Variants in ETV6 observed in about 807,000 individuals in gnomAD.
ETV6 encodes transcription factor ETV6.
Under a neutral mutation model 51.1 loss-of-function variants are expected in ETV6, and 16 were observed. That is an observed-to-expected ratio of 0.31 (90% CI 0.21 to 0.48). The LOEUF (loss-of-function observed/expected upper bound fraction) is 0.48. Among genes scored for constraint, ETV6 ranks in the 20% least tolerant of loss-of-function variants. The pLI is 0.99. For missense variants in ETV6, 458 were observed against 594.8 expected (o/e 0.77, Z 2.39); for synonymous variants, 240 against 224.1 (o/e 1.07, Z -0.64).
chr12:11,803,189 T>C (rs1945776566), intron 2 of ETV6, among the ~76,000 whole-genome samples: 1 of 152,204 alleles, frequency 6.6e-6, no homozygotes, highest in Admixed American at 6.5e-5. Context: ...AAATAATCAT[T>C]TCAGCATCAG....
chr12:11,737,793 G>A (rs1479567769), intron 1 of ETV6, among the ~76,000 whole-genome samples: 1 of 152,176 alleles, frequency 6.6e-6, no homozygotes, highest in African/African-American at 2.4e-5. Flanking sequence ...TTTTCTCAGG[G>A]CCTCATCAGT....
In ETV6 at chr12:11,831,603, A is replaced by G. The variant is rs190755053; in HGVS notation, c.164-7537A>G. ...ATAAGAAAGAAAAAAGGAAAAGGAG[A>G]CAGGGAATATCACCTACAATTTTAC... On this transcript the variant is annotated intron_variant, in intron 2 of 7. Coordinates refer to ENST00000396373, the MANE Select transcript of ETV6 (RefSeq NM_001987.5). Among the ~76,000 whole-genome samples the G allele has an allele frequency of 2.0e-5, 3 of 152,364 alleles. No individual in the cohort carries two copies. The East Asian group carries it at 5.8e-4, about 29-fold the overall frequency.
intron 3 of ETV6, among the ~76,000 whole-genome samples, chr12:11,843,191 T>C (rs969716837): frequency 2.6e-5 from 4 of 151,880 alleles, no homozygotes; most frequent in African/African-American, 9.7e-5. Flanking sequence ...TGCGAATGGG[T>C]TTATAAGACA....
At chr12:11,890,441 T>TC (rs1565570658) in intron 7 of ETV6, among the ~76,000 whole-genome samples, 5 of 149,684 alleles carry the variant, frequency 3.3e-5, no homozygotes, top group African/African-American at 1.2e-4. Flanking sequence ...TTTTTTTTTT[T>TC]CCAATAATTA....
chr12:11,747,580 T>A (rs60638501), intron 1 of ETV6, among the ~76,000 whole-genome samples: 6,060 of 152,294 alleles, frequency 0.04, 401 homozygotes, highest in African/African-American at 0.14. Flanking sequence ...GTACAATGTC[T>A]ATTTAGAAAA....
intron 2 of ETV6, among the ~76,000 whole-genome samples, chr12:11,794,013 G>A (rs1945641455): frequency 2.0e-5 from 3 of 152,102 alleles, no homozygotes; most frequent in Non-Finnish European, 2.9e-5. Context: ...TTGTACTCCT[G>A]CTGTTTGTAA....
In ETV6 at chr12:11,882,373, C is replaced by G. The variant is rs555114593; in HGVS notation, c.1010-2072C>G. ...CACCCATTAACGAGTTTCTCTGAGA[C>G]TAGAAATTGCATTGGGAAGTGTGTC... On this transcript the variant is annotated intron_variant, in intron 5 of 7. Coordinates refer to ENST00000396373, the MANE Select transcript of ETV6 (RefSeq NM_001987.5). Among the ~76,000 whole-genome samples the G allele has an allele frequency of 7.2e-5, 11 of 152,274 alleles. No individual in the cohort carries two copies. The South Asian group carries it at 2.1e-3, about 29-fold the overall frequency.
At position 11,869,492 on chromosome 12, in the gene ETV6, C is replaced by G. The variant is rs2136539728; in HGVS notation, c.532C>G (p.Leu178Val). Reference sequence around the variant, plus strand: ...GCACCATAACCCTCCCACCATTGAACTGTTGCACCGCTCCAGGTCACCTAT... The same window carrying G: ...GCACCATAACCCTCCCACCATTGAAGTGTTGCACCGCTCCAGGTCACCTAT... ...NVHHNPPTIE[L>V]LHRSRSPITT... Residue 178 changes from leucine to valine, a missense_variant, in exon 5 of 8, where the codon CTG becomes GTG. Leu to Val is a conservative substitution (Grantham distance 32). Transcript: ENST00000396373. This position sits in a 1 kb window ranked among gnomAD's most constrained non-coding sequence, Gnocchi z 5.0. 6.2e-7 allele frequency: 1 copy of G among 1,614,146 alleles called. No homozygotes were observed. Among genetic ancestry groups the G allele is most frequent in the Non-Finnish European group, 8.5e-7 (1 of 1,180,018 alleles).
At chr12:11,827,362 GA>G (rs1946173501) in intron 2 of ETV6, among the ~76,000 whole-genome samples, 1 of 152,096 alleles carries the variant, frequency 6.6e-6, no homozygotes, top group Admixed American at 6.5e-5. Context: ...AAGAGCCAGG[GA>G]AGAGGACAAG....
At chr12:11,888,527 A>G (rs1380507956) in intron 7 of ETV6, among the ~76,000 whole-genome samples, 1 of 151,496 alleles carries the variant, frequency 6.6e-6, no homozygotes, top group Non-Finnish European at 1.5e-5. Flanking sequence ...GCCGTAGCTA[A>G]TAGTAGCTGG....
At chr12:11,820,370 G>A (rs1316827738) in intron 2 of ETV6, among the ~76,000 whole-genome samples, 2 of 152,162 alleles carry the variant, frequency 1.3e-5, no homozygotes, top group Non-Finnish European at 2.9e-5. Flanking sequence ...CCAAACAAAG[G>A]TCCGTTCACA....
chr12:11,878,642 T>C (rs552508157), intron 5 of ETV6, among the ~76,000 whole-genome samples: 5 of 152,108 alleles, frequency 3.3e-5, no homozygotes, highest in Admixed American at 3.3e-4. Context: ...ATTATTTGCC[T>C]CCACTTCTCC....
intron 2 of ETV6, among the ~76,000 whole-genome samples, chr12:11,809,977 G>A (rs532639311): frequency 3.8e-4 from 58 of 151,932 alleles, no homozygotes; most frequent in Admixed American, 5.2e-4. Context: ...GCACCACAAC[G>A]CCCAGCTAAT....
intron 1 of ETV6, among the ~76,000 whole-genome samples, chr12:11,700,138 A>AATCG (rs1178406983): frequency 1.3e-5 from 2 of 152,194 alleles, no homozygotes; most frequent in East Asian, 3.8e-4. Context: ...GTATTGACTG[A>AATCG]ATCGAGTGAA....
intron 7 of ETV6, among the ~76,000 whole-genome samples, chr12:11,886,631 G>C (rs1402731643): frequency 1.3e-5 from 2 of 152,180 alleles, no homozygotes; most frequent in East Asian, 1.9e-4. Context: ...ATCGTAGTCA[G>C]AATAAGTCTA....
chr12:11,809,615 G>C (rs1484316037), intron 2 of ETV6, among the ~76,000 whole-genome samples: 4 of 152,088 alleles, frequency 2.6e-5, no homozygotes, highest in African/African-American at 9.7e-5. Context: ...ATACATACTT[G>C]ATTCAGTAAA....
chr12:11,654,829 G>A (rs1318702030), intron 1 of ETV6, among the ~76,000 whole-genome samples: 2 of 152,164 alleles, frequency 1.3e-5, no homozygotes, highest in Non-Finnish European at 2.9e-5. Flanking sequence ...GTGGGCCGTA[G>A]GCTCTTTTAT....
At position 11,791,741 on chromosome 12, in the gene ETV6, T is replaced by C. The variant is rs1273492580; in HGVS notation, c.163+39162T>C. 6.9e-5 allele frequency among the ~76,000 whole-genome samples: 9 copies of C among 131,120 alleles called. No homozygotes were observed. In the South Asian group the frequency reaches 1.7e-3, roughly 25 times the overall value. The allele number at this position is 131,120 out of a possible 152,430, so 86.0% of individuals were successfully genotyped here. On this transcript the variant is annotated intron_variant, in intron 2 of 7. Transcript: ENST00000396373. The stretch of plus-strand genomic sequence containing the variant: ...ACATAATAACTGACACATACTACTA[T>C]ATAAGTGTTCATTGATATTGTTATA...
At chr12:11,673,035 T>C (rs1197884511) in intron 1 of ETV6, among the ~76,000 whole-genome samples, 1 of 152,190 alleles carries the variant, frequency 6.6e-6, no homozygotes, top group African/African-American at 2.4e-5. Flanking sequence ...ATCTGGCACT[T>C]CTCAGTAACC....
Sources: gnomAD v4.1 joint callset for allele counts (sites outside exome capture counted in the v4.1 genomes callset) on GRCh38, gnomAD v4.1.1 for gene constraint, Gnocchi (gnomAD v3.1) non-coding constraint, MANE v1.5 for transcripts, NCBI Gene and HGNC (gene_info 2026-07-23, HGNC 2026-07-21) for gene names.